Variants in SLC30A8 observed in about 807,000 individuals in gnomAD.
SLC30A8 encodes solute carrier family 30 member 8.
Under a neutral mutation model 36.9 loss-of-function variants are expected in SLC30A8, and 27 were observed. The observed-to-expected ratio is 0.73, with a 90% CI of 0.54 to 1.01. SLC30A8 has a LOEUF of 1.01. Among genes scored for constraint, SLC30A8 ranks in the 50% least tolerant of loss-of-function variants. SLC30A8 has a pLI of 0.00. For missense variants in SLC30A8, 439 were observed against 452.0 expected, an observed-to-expected ratio of 0.97 and a Z score of 0.26; for synonymous variants, 164 against 172.4, an observed-to-expected ratio of 0.95 and a Z score of 0.38.
rs1378347728 is a variant in SLC30A8 at position 116,956,630 on chromosome 8, TA to T, written c.-266+5518del. On this transcript the variant is annotated intron_variant, in intron 1 of 10. Transcript: ENST00000427715. ...ATTCATATCTACTAAGGGGATGCCA[TA>T]AAAAAATCAATTGGATAGTCTCTCT... Among the ~76,000 whole-genome samples the T allele has an allele frequency of 3.9e-5, 6 of 152,262 alleles. No homozygotes were observed. In the South Asian group the frequency reaches 6.2e-4, roughly 16 times the overall value.
chr8:117,151,374 T>A (rs1044801816), intron 2 of SLC30A8, among the ~76,000 whole-genome samples: 1 of 151,950 alleles, frequency 6.6e-6, no homozygotes, highest in Non-Finnish European at 1.5e-5. Context: ...ATTGGCTGGA[T>A]AATTGAATTA....
In SLC30A8 at chr8:117,022,749, T is replaced by C. The variant is rs142835215; in HGVS notation, c.-265-16470T>C. On this transcript the variant is annotated intron_variant, in intron 1 of 10. Transcript: ENST00000427715. ...ATTCAAGATGGATCAAAGACTTAAA[T>C]GTTAGACCTAAAACCATAAAAACCC... 7.0e-3 allele frequency among the ~76,000 whole-genome samples: 1,068 copies of C among 152,338 alleles called. 7 individuals carry two copies. Among genetic ancestry groups the C allele is most frequent in the African/African-American group, 0.024 (991 of 41,576 alleles).
chr8:117,018,675 C>CCTTT (rs761796400), intron 1 of SLC30A8, among the ~76,000 whole-genome samples: 1 of 105,350 alleles, frequency 9.5e-6, no homozygotes, highest in Non-Finnish European at 2.0e-5. Context: ...CCCCCCCCCC[C>CCTTT]TTTTTTTTTT....
At chr8:117,140,431 T>A (rs1193182889) in intron 1 of SLC30A8, among the ~76,000 whole-genome samples, 2 of 151,974 alleles carry the variant, frequency 1.3e-5, no homozygotes, top group Non-Finnish European at 2.9e-5. Flanking sequence ...GCAAATAGAT[T>A]TACATGCTTG....
At chr8:117,088,464 A>G (rs931248616) in intron 2 of SLC30A8, among the ~76,000 whole-genome samples, 1 of 152,042 alleles carries the variant, frequency 6.6e-6, no homozygotes, top group African/African-American at 2.4e-5. Context: ...TAACCCAAAT[A>G]CCTGCCGAGA....
At chr8:117,133,783 A>C (rs1011743491), upstream of SLC30A8, among the ~76,000 whole-genome samples, 1 of 152,004 alleles carries the variant, frequency 6.6e-6, no homozygotes, top group Admixed American at 6.6e-5. Context: ...TAAGGTTAAG[A>C]GTAAGAATAT....
At chr8:116,981,550 G>C (rs962268344) in intron 1 of SLC30A8, among the ~76,000 whole-genome samples, 1 of 152,030 alleles carries the variant, frequency 6.6e-6, no homozygotes, top group Non-Finnish European at 1.5e-5. Flanking sequence ...GTAGTTTTTC[G>C]ATCCTCCCAT....
intron 2 of SLC30A8, among the ~76,000 whole-genome samples, chr8:117,060,579 C>T (rs896349790): frequency 1.3e-5 from 2 of 152,118 alleles, no homozygotes; most frequent in Non-Finnish European, 2.9e-5. Flanking sequence ...TATCAGTGTT[C>T]CAGAGAGAAG....
intron 2 of SLC30A8, among the ~76,000 whole-genome samples, chr8:117,062,511 A>G (rs1474925377): frequency 6.6e-6 from 1 of 152,196 alleles, no homozygotes; most frequent in Non-Finnish European, 1.5e-5. Flanking sequence ...CACCAAGGCA[A>G]GGGCGCTAAG....
intron 1 of SLC30A8, among the ~76,000 whole-genome samples, chr8:117,012,722 TATACACAC>T (rs1183223938): frequency 2.4e-5 from 1 of 42,442 alleles, no homozygotes; most frequent in African/African-American, 8.4e-5. Flanking sequence ...TAGACATATG[TATACACAC>T]ACACACACAC....
At chr8:116,964,119 C>T (rs1038298334) in intron 1 of SLC30A8, among the ~76,000 whole-genome samples, 3 of 152,124 alleles carry the variant, frequency 2.0e-5, no homozygotes, top group Admixed American at 6.5e-5. Flanking sequence ...TGGGCTTTTA[C>T]AATCTTATAA....
chr8:117,095,898 C>T (rs1328132827), intron 2 of SLC30A8, among the ~76,000 whole-genome samples: 1 of 152,084 alleles, frequency 6.6e-6, no homozygotes, highest in Non-Finnish European at 1.5e-5. Flanking sequence ...GTATAAAAAC[C>T]TGTGATATCA....
intron 1 of SLC30A8, among the ~76,000 whole-genome samples, chr8:117,004,330 A>G (rs780218897): frequency 3.4e-4 from 52 of 152,252 alleles, no homozygotes; most frequent in Admixed American, 3.3e-4. Context: ...CACATTTTGA[A>G]TAGATCTTTC....
intron 2 of SLC30A8, among the ~76,000 whole-genome samples, chr8:117,105,783 G>A (rs1819967896): frequency 6.6e-6 from 1 of 152,168 alleles, no homozygotes. Context: ...TGCCTTCACA[G>A]CTGCACCTAG....
At chr8:117,022,033 A>C (rs1464740342) in intron 1 of SLC30A8, among the ~76,000 whole-genome samples, 1 of 151,812 alleles carries the variant, frequency 6.6e-6, no homozygotes, top group Non-Finnish European at 1.5e-5. Context: ...TTCCTTCTCT[A>C]CTAAAAATAC....
At chr8:117,067,943 C>A (rs574377285) in intron 2 of SLC30A8, among the ~76,000 whole-genome samples, 121 of 152,266 alleles carry the variant, frequency 7.9e-4, no homozygotes, top group African/African-American at 2.6e-3. Flanking sequence ...TATGGTGGTG[C>A]AGGGCAGCAA....
At chr8:117,139,642 A>G (rs964727264) in intron 1 of SLC30A8, among the ~76,000 whole-genome samples, 1 of 152,110 alleles carries the variant, frequency 6.6e-6, no homozygotes, top group Non-Finnish European at 1.5e-5. Context: ...TCAGCAAACA[A>G]TTAAGAAGGC....
intron 2 of SLC30A8, among the ~76,000 whole-genome samples, chr8:117,104,921 T>C (rs1488889330): frequency 6.6e-6 from 1 of 152,168 alleles, no homozygotes; most frequent in Admixed American, 6.6e-5. Flanking sequence ...CCTGATGTTG[T>C]CATGGCATCT....
intron 2 of SLC30A8, among the ~76,000 whole-genome samples, chr8:117,105,849 A>C (rs1819971727): frequency 6.6e-6 from 1 of 152,186 alleles, no homozygotes; most frequent in African/African-American, 2.4e-5. Context: ...GACACATAAA[A>C]CTGCACGTTA....
Sources: allele counts gnomAD v4.1 joint callset (sites outside exome capture counted in the v4.1 genomes callset), GRCh38; gene constraint gnomAD v4.1.1; transcripts MANE v1.5; gene names NCBI Gene and HGNC (gene_info 2026-07-23, HGNC 2026-07-21).